Variants in RMST observed in about 807,000 individuals in gnomAD.
The protein encoded by RMST is rhabdomyosarcoma 2 associated transcript.
chr12:97,502,326 CTT>C (rs922165010), intron 10 of RMST, among the ~76,000 whole-genome samples: 3 of 152,148 alleles, frequency 2.0e-5, no homozygotes, highest in African/African-American at 7.2e-5. Flanking sequence ...GGAGTGCACA[CTT>C]ATGCACCAGG....
At chr12:97,476,729 T>C (rs1421830576) in intron 5 of RMST, among the ~76,000 whole-genome samples, 1 of 152,196 alleles carries the variant, frequency 6.6e-6, no homozygotes, top group Non-Finnish European at 1.5e-5. Context: ...AAATGGTGTC[T>C]GGACAGTACT....
chr12:97,469,343 C>A (rs1873618777), intron 5 of RMST, among the ~76,000 whole-genome samples: 1 of 151,684 alleles, frequency 6.6e-6, no homozygotes, highest in South Asian at 2.1e-4. Context: ...AAATTTATCC[C>A]ATTTTCCTTA....
chr12:97,466,252 G>T (rs1873171009), intron 5 of RMST, among the ~76,000 whole-genome samples: 1 of 152,078 alleles, frequency 6.6e-6, no homozygotes, highest in Non-Finnish European at 1.5e-5. Context: ...AATCATTGTG[G>T]CTTGAAGTAA....
rs1161426088 is a variant in RMST at position 97,497,935 on chromosome 12, C to T, written n.1340+1879C>T. On this transcript the variant is annotated intron_variant and non_coding_transcript_variant, in intron 10 of 13. Transcript: ENST00000640149. ...CTAATGTGACGTAAAGTTAATAGACCCCTTGAACAGATTCATCTTGAAATA... is the reference window on the plus strand; with the variant it reads ...CTAATGTGACGTAAAGTTAATAGACTCCTTGAACAGATTCATCTTGAAATA... Among the ~76,000 whole-genome samples the T allele has an allele frequency of 2.0e-5, 3 of 151,894 alleles. No homozygotes were observed. In the East Asian group the frequency reaches 5.8e-4, roughly 29 times the overall value.
intron 10 of RMST, among the ~76,000 whole-genome samples, chr12:97,526,930 A>ATGTTGT (rs751378451): frequency 6.6e-6 from 1 of 151,922 alleles, no homozygotes; most frequent in Non-Finnish European, 1.5e-5. Flanking sequence ...GCACCATGAG[A>ATGTTGT]TGTTGTTGTT....
chr12:97,554,408 G>A (rs554451126), intron 11 of RMST, among the ~76,000 whole-genome samples: 15 of 151,992 alleles, frequency 9.9e-5, no homozygotes, highest in South Asian at 2.1e-4. Context: ...AAAGATGCAC[G>A]CATCAGATAC....
intron 10 of RMST, among the ~76,000 whole-genome samples, chr12:97,527,274 T>C (rs1881207362): frequency 6.6e-6 from 1 of 152,194 alleles, no homozygotes; most frequent in Non-Finnish European, 1.5e-5. Flanking sequence ...CTCTTCTCTA[T>C]GGAGAATGTT....
intron 11 of RMST, among the ~76,000 whole-genome samples, chr12:97,544,449 G>A (rs964843158): frequency 2.6e-5 from 4 of 151,958 alleles, no homozygotes; most frequent in African/African-American, 2.4e-5. Flanking sequence ...CTTAAAAACT[G>A]GTGAAAATCA....
chr12:97,478,302 A>T (rs1486161343), intron 5 of RMST, among the ~76,000 whole-genome samples: 5 of 152,230 alleles, frequency 3.3e-5, no homozygotes. Flanking sequence ...TTCAGTATCT[A>T]TAAAACACAT....
chr12:97,538,251 T>G (rs1882228053), intron 11 of RMST, among the ~76,000 whole-genome samples: 1 of 151,458 alleles, frequency 6.6e-6, no homozygotes, highest in South Asian at 2.1e-4. Flanking sequence ...TTGTTTTGAA[T>G]CTTTAATCAT....
At chr12:97,551,171 T>TTAA (rs1229638367) in intron 11 of RMST, among the ~76,000 whole-genome samples, 5 of 132,322 alleles carry the variant, frequency 3.8e-5, no homozygotes, top group African/African-American at 8.2e-5. Context: ...TCATTGTTTT[T>TTAA]AAAAAAAAAA....
At chr12:97,502,041 G>T (rs1049201812) in intron 10 of RMST, among the ~76,000 whole-genome samples, 1 of 152,110 alleles carries the variant, frequency 6.6e-6, no homozygotes, top group Non-Finnish European at 1.5e-5. Context: ...TAGATTAGAA[G>T]ATCTGTTTGG....
At chr12:97,467,343 A>G (rs1175474050) in intron 5 of RMST, among the ~76,000 whole-genome samples, 1 of 152,012 alleles carries the variant, frequency 6.6e-6, no homozygotes, top group Non-Finnish European at 1.5e-5. Context: ...AAGTTATGAC[A>G]TATTAGATCA....
exon 8 of RMST, chr12:97,493,878 T>G (rs756012225): frequency 3.9e-5 from 6 of 152,212 alleles, no homozygotes; most frequent in Non-Finnish European, 5.9e-5. Context: ...TACTTAGCAT[T>G]CCATCCGTGC....
chr12:97,492,727 A>G (rs1321233453), intron 6 of RMST: 1 of 152,162 alleles, frequency 6.6e-6, no homozygotes, highest in Non-Finnish European at 1.5e-5. Flanking sequence ...AATGCTATAA[A>G]ATGCACCCCA....
intron 10 of RMST, among the ~76,000 whole-genome samples, chr12:97,525,184 T>A (rs755146052): frequency 3.3e-5 from 5 of 152,080 alleles, no homozygotes; most frequent in Non-Finnish European, 7.3e-5. Flanking sequence ...AAGGAAGACA[T>A]CCTTTGAGAA....
At chr12:97,469,540 C>T (rs1263153353) in intron 5 of RMST, among the ~76,000 whole-genome samples, 3 of 151,988 alleles carry the variant, frequency 2.0e-5, no homozygotes, top group African/African-American at 7.2e-5. Flanking sequence ...TTCTCAGTCA[C>T]TTTATGAGAA....
At chr12:97,468,654 G>A (rs1011172114) in intron 5 of RMST, among the ~76,000 whole-genome samples, 6 of 151,970 alleles carry the variant, frequency 3.9e-5, no homozygotes, top group Admixed American at 3.3e-4. Context: ...CAGTGGTCAG[G>A]AACATATGGT....
chr12:97,488,096 G>A (rs762963310), intron 5 of RMST, among the ~76,000 whole-genome samples: 2 of 152,124 alleles, frequency 1.3e-5, no homozygotes, highest in East Asian at 1.9e-4. Context: ...CAGGATGAAG[G>A]TTTTCTGGCC....
Sources: gnomAD v4.1 joint callset for allele counts (sites outside exome capture counted in the v4.1 genomes callset) on GRCh38, gnomAD v4.1.1 for gene constraint, MANE v1.5 for transcripts, NCBI Gene and HGNC (gene_info 2026-07-23, HGNC 2026-07-21) for gene names.